Variants in KLHL7 observed in about 807,000 individuals in gnomAD.
The protein encoded by KLHL7 is kelch-like protein 7.
A neutral mutation model predicts 67.4 loss-of-function variants in KLHL7; 44 were observed. The observed-to-expected ratio is 0.65, with a 90% confidence interval of 0.51 to 0.84. KLHL7 has a LOEUF of 0.84. Ranked by LOEUF, KLHL7 falls within the 40% of genes least tolerant of loss-of-function variation. KLHL7 has a pLI of 0.00. For missense variants in KLHL7, 362 were observed against 718.1 expected (o/e 0.50, Z 5.67); for synonymous variants, 252 against 243.3 (o/e 1.04, Z -0.33).
intron 2 of KLHL7, among the ~76,000 whole-genome samples, chr7:23,124,482 CT>C (rs1464349802): frequency 3.3e-5 from 5 of 152,108 alleles, no homozygotes. Flanking sequence ...CTAATTCACT[CT>C]TTTCTTAGCT....
chr7:23,152,637 GAA>G (rs1784573604), intron 7 of KLHL7, among the ~76,000 whole-genome samples: 1 of 151,878 alleles, frequency 6.6e-6, no homozygotes, highest in Admixed American at 6.6e-5. Flanking sequence ...AAACCACAAA[GAA>G]AAAAGATTAA....
chr7:23,106,628 G>T, intron 1 of KLHL7: 2 of 1,037,286 alleles, frequency 1.9e-6, no homozygotes, highest in Non-Finnish European at 2.3e-6. Flanking sequence ...GGTGGAGCTA[G>T]TTGAAGAGGA....
In KLHL7 at chr7:23,175,658, C is replaced by G. The variant is rs1281050266; in HGVS notation, c.*1360C>G. On this transcript the variant is annotated 3_prime_UTR_variant, in exon 11 of 11. Coordinates refer to ENST00000339077, the MANE Select transcript of KLHL7 (RefSeq NM_001031710.3). ...TATAATTCACATACCATACAATTCA[C>G]CATTTAAAGTATACTATTCAGGCCA... 1 of 266,830 alleles carries G rather than the reference C, an allele frequency of 3.7e-6. No individual in the cohort carries two copies. Among genetic ancestry groups the G allele is most frequent in the African/African-American group, 2.3e-5 (1 of 43,068 alleles). The allele number at this position is 266,830 out of a possible 1,614,324, so 16.5% of individuals were successfully genotyped here. A position where few individuals can be genotyped will look rare whatever the true frequency, so the allele number is the denominator to read the frequency against.
chr7:23,139,608 G>A (rs1223824646), intron 4 of KLHL7, among the ~76,000 whole-genome samples: 2 of 152,170 alleles, frequency 1.3e-5, no homozygotes, highest in Non-Finnish European at 2.9e-5. Context: ...TGGTTAACAA[G>A]CATCAGCTTT....
Position 23,175,603 on chromosome 7 carries a change from AG to A in KLHL7, c.*1308del, listed in dbSNP as rs1480903553. On this transcript the variant is annotated 3_prime_UTR_variant, in exon 11 of 11. Coordinates refer to ENST00000339077, the MANE Select transcript of KLHL7 (RefSeq NM_001031710.3). The stretch of plus-strand genomic sequence containing the variant: ...ATGATAGGTATATTTCTATTTGTGT[AG>A]GGTTTTTTAATGTACAGCTTTATTG... The A allele has an allele frequency of 3.6e-5, 11 of 307,106 alleles. No homozygotes were observed. In the Admixed American group the frequency reaches 5.3e-4, roughly 15 times the overall value. The allele number at this position is 307,106 out of a possible 1,614,324, so 19.0% of individuals were successfully genotyped here.
At chr7:23,114,017 T>A (rs1202713528) in intron 1 of KLHL7, among the ~76,000 whole-genome samples, 1 of 152,224 alleles carries the variant, frequency 6.6e-6, no homozygotes, top group Non-Finnish European at 1.5e-5. Context: ...ATGAGGCATC[T>A]TGAGCTCATA....
At position 23,173,170 on chromosome 7, in the gene KLHL7, A is replaced by G. The variant is rs958643507; in HGVS notation, c.1477+125A>G. ...CATGTATATTATTATATCTATTTTT[A>G]TAGTTTCTGGGAATTAACATACTTG... On this transcript the variant is annotated intron_variant, in intron 10 of 10. Transcript: ENST00000339077. 7.4e-6 allele frequency: 5 copies of G among 678,860 alleles called. No individual in the cohort carries two copies. The South Asian group carries it at 8.7e-5, about 12-fold the overall frequency. 42.1% of individuals were successfully genotyped at this position (678,860 alleles called of 1,614,324 possible). A position where few individuals can be genotyped will look rare whatever the true frequency, so the allele number is the denominator to read the frequency against.
intron 4 of KLHL7, chr7:23,125,660 T>C: frequency 7.4e-7 from 1 of 1,355,880 alleles, no homozygotes. Context: ...TGCTGTTTTA[T>C]ACTAGAAAAC....
Position 23,142,073 on chromosome 7 carries a change from C to T in KLHL7, c.618+1129C>T, listed in dbSNP as rs1204934902. The stretch of plus-strand genomic sequence containing the variant: ...AGCTGGGATTATAGGTATGTGCCAC[C>T]ACACCCTGCTAATTGAGATGGGGTT... On this transcript the variant is annotated intron_variant, in intron 5 of 10. Coordinates refer to ENST00000339077, the MANE Select transcript of KLHL7 (RefSeq NM_001031710.3). Among the ~76,000 whole-genome samples, 3 of 152,092 alleles carry T rather than the reference C, an allele frequency of 2.0e-5. No homozygotes were observed. The South Asian group carries it at 6.2e-4, about 32-fold the overall frequency.
chr7:23,113,678 A>G (rs901550060), intron 1 of KLHL7, among the ~76,000 whole-genome samples: 33 of 152,172 alleles, frequency 2.2e-4, no homozygotes, highest in East Asian at 3.8e-4. Flanking sequence ...TAAAAATACA[A>G]AAATTAGCCG....
chr7:23,152,885 A>G (rs1400925106), intron 7 of KLHL7, among the ~76,000 whole-genome samples: 2 of 152,230 alleles, frequency 1.3e-5, no homozygotes, highest in Admixed American at 6.5e-5. Flanking sequence ...CTGGTACTAC[A>G]TGTATTGCTG....
At chr7:23,158,711 G>C (rs1481981490) in intron 7 of KLHL7, among the ~76,000 whole-genome samples, 2 of 152,188 alleles carry the variant, frequency 1.3e-5, no homozygotes, top group Non-Finnish European at 1.5e-5. Context: ...ACATACTACA[G>C]GACCCTGTCC....
chr7:23,115,779 G>C (rs1365798715), intron 1 of KLHL7, among the ~76,000 whole-genome samples: 1 of 152,032 alleles, frequency 6.6e-6, no homozygotes, highest in East Asian at 1.9e-4. Context: ...TCCTGACCTC[G>C]TGATCTGCCG....
intron 4 of KLHL7, chr7:23,126,047 A>T (rs1304535225): frequency 1.5e-6 from 1 of 680,852 alleles, no homozygotes; most frequent in Non-Finnish European, 2.7e-6. Context: ...CAACTTTAAC[A>T]ATATGCTAGC....
At chr7:23,171,864 C>T (rs1785173015) in intron 9 of KLHL7, among the ~76,000 whole-genome samples, 1 of 152,178 alleles carries the variant, frequency 6.6e-6, no homozygotes, top group South Asian at 2.1e-4. Context: ...CGCCTGCCGC[C>T]ACGCCTGGCT....
rs12234411 is a variant in KLHL7, at chr7:23,105,903, G to C, written c.-124G>C. On this transcript the variant is annotated 5_prime_UTR_variant, in exon 1 of 11. Coordinates refer to ENST00000339077, the MANE Select transcript of KLHL7 (RefSeq NM_001031710.3). The stretch of plus-strand genomic sequence containing the variant: ...CCACCGCCGCCTGCCGCGCGTTCCA[G>C]AGCTGGGCGCTGCAGCTGCACTGCC... 8 of 1,449,516 alleles carry C rather than the reference G, an allele frequency of 5.5e-6. No homozygotes were observed. The highest frequency in any genetic ancestry group is 6.5e-6 in the Non-Finnish European group (7 of 1,069,978). The allele number at this position is 1,449,516 out of a possible 1,614,324, so 89.8% of individuals were successfully genotyped here.
chr7:23,132,570 G>C (rs969707905), intron 4 of KLHL7, among the ~76,000 whole-genome samples: 17 of 152,090 alleles, frequency 1.1e-4, no homozygotes, highest in African/African-American at 3.9e-4. Context: ...GTAGTTTGCA[G>C]ATATTTTCTC....
At chr7:23,137,411 A>C (rs1485097502) in intron 4 of KLHL7, among the ~76,000 whole-genome samples, 3 of 152,192 alleles carry the variant, frequency 2.0e-5, no homozygotes, top group African/African-American at 7.2e-5. Flanking sequence ...TCTTATCAAG[A>C]AGAAAAGATC....
chr7:23,121,734 G>A (rs1024239068), intron 1 of KLHL7, among the ~76,000 whole-genome samples: 28 of 148,272 alleles, frequency 1.9e-4, no homozygotes, highest in Non-Finnish European at 2.8e-4. Flanking sequence ...CCAGGCTGGA[G>A]TGCAGTGGCT....
Sources: allele counts gnomAD v4.1 joint callset (sites outside exome capture counted in the v4.1 genomes callset), GRCh38; gene constraint gnomAD v4.1.1; transcripts MANE v1.5; gene names NCBI Gene and HGNC (gene_info 2026-07-23, HGNC 2026-07-21).